The following SYT1 variants were observed in gnomAD, a reference collection of about 807,000 sequenced individuals.
SYT1 encodes the protein synaptotagmin-1.
Under a neutral mutation model 44.8 loss-of-function variants are expected in SYT1, and 8 were observed. That is an observed-to-expected ratio of 0.18 (90% confidence interval 0.10 to 0.32). The LOEUF (loss-of-function observed/expected upper bound fraction) is 0.32. Among genes scored for constraint, SYT1 ranks in the 10% least tolerant of loss-of-function variants. The pLI is 1.00. For missense variants in SYT1, 286 were observed against 509.3 expected, an observed-to-expected ratio of 0.56 and a Z score of 4.22; for synonymous variants, 154 against 188.8, an observed-to-expected ratio of 0.82 and a Z score of 1.51.
chr12:79,246,250 G>T (rs1350521224), intron 4 of SYT1, among the ~76,000 whole-genome samples: 1 of 152,126 alleles, frequency 6.6e-6, no homozygotes, highest in Non-Finnish European at 1.5e-5. Context: ...CTTTTTCAAT[G>T]TAGTACTTAT....
intron 9 of SYT1, among the ~76,000 whole-genome samples, chr12:79,383,309 G>C (rs1019153066): frequency 1.3e-5 from 2 of 152,164 alleles, no homozygotes; most frequent in Admixed American, 1.3e-4. Flanking sequence ...GTAAGTATTT[G>C]TGTATCTAAA....
At chr12:79,299,610 A>G in intron 8 of SYT1, 59 bp downstream of exon 8, 4 of 1,566,198 alleles carry the variant, frequency 2.6e-6, no homozygotes, top group Non-Finnish European at 3.5e-6. Flanking sequence ...TGCTGCTCAT[A>G]TAATAACTTA....
intron 2 of SYT1, among the ~76,000 whole-genome samples, chr12:79,029,266 T>C (rs1378549422): frequency 6.6e-6 from 1 of 151,028 alleles, no homozygotes; most frequent in Non-Finnish European, 1.5e-5. Flanking sequence ...AGAAAATTAC[T>C]CCATATATCA....
At chr12:79,386,659 T>A (rs913668802) in intron 9 of SYT1, among the ~76,000 whole-genome samples, 7 of 152,212 alleles carry the variant, frequency 4.6e-5, no homozygotes, top group Admixed American at 4.6e-4. Context: ...TTCCTGGTAT[T>A]CCCTGGTGTT....
intron 3 of SYT1, among the ~76,000 whole-genome samples, chr12:79,059,289 G>A (rs1875197952): frequency 6.6e-6 from 1 of 151,766 alleles, no homozygotes. Flanking sequence ...ATTTGGGTGG[G>A]GACACAACCA....
intron 2 of SYT1, among the ~76,000 whole-genome samples, chr12:79,020,653 C>A (rs1872131280): frequency 6.6e-6 from 1 of 151,874 alleles, no homozygotes; most frequent in South Asian, 2.1e-4. Context: ...TGGATACATC[C>A]ATGAGTTTAT....
intron 9 of SYT1, among the ~76,000 whole-genome samples, chr12:79,396,702 T>C (rs1275422376): frequency 1.3e-5 from 2 of 152,172 alleles, no homozygotes; most frequent in Non-Finnish European, 2.9e-5. Context: ...TGTGACTTGA[T>C]TGAAGGATGA....
chr12:79,317,642 G>C (rs1881157837), intron 8 of SYT1, among the ~76,000 whole-genome samples: 1 of 152,150 alleles, frequency 6.6e-6, no homozygotes, highest in South Asian at 2.1e-4. Flanking sequence ...TGTCAGAGGT[G>C]ACTGTCGGGC....
chr12:79,038,561 C>A (rs556907772), intron 2 of SYT1, among the ~76,000 whole-genome samples: 1 of 151,986 alleles, frequency 6.6e-6, no homozygotes, highest in African/African-American at 2.4e-5. Context: ...GTAACAAAAT[C>A]CCTTAGGATT....
Position 79,229,680 on chromosome 12 carries a change from G to T in SYT1, c.166+11995G>T, listed in dbSNP as rs77508242. On this transcript the variant is annotated intron_variant, in intron 4 of 10. Transcript: ENST00000261205. ...ACAATCCCGGCTCACTACAACTTCC[G>T]CTTCCCGGGTTCAAGCGATTCTCCT... is the stretch of plus-strand genomic sequence containing the variant. Among the ~76,000 whole-genome samples the T allele has an allele frequency of 3.8e-3, 572 of 151,682 alleles. 8 individuals are homozygous for T. The highest frequency in any genetic ancestry group is 0.013 in the African/African-American group (555 of 41,298).
At chr12:79,287,797 T>C (rs1879384438) in intron 5 of SYT1, among the ~76,000 whole-genome samples, 1 of 152,090 alleles carries the variant, frequency 6.6e-6, no homozygotes, top group African/African-American at 2.4e-5. Flanking sequence ...ATCTCAAATA[T>C]AGAGAATTAA....
At chr12:78,951,417 T>A (rs1878962042) in intron 1 of SYT1, among the ~76,000 whole-genome samples, 1 of 152,136 alleles carries the variant, frequency 6.6e-6, no homozygotes, top group Non-Finnish European at 1.5e-5. Flanking sequence ...GTAGGAAAGT[T>A]ATATGGGCAA....
At chr12:79,050,793 A>G (rs1000325856) in intron 3 of SYT1, among the ~76,000 whole-genome samples, 2 of 152,024 alleles carry the variant, frequency 1.3e-5, no homozygotes, top group African/African-American at 4.8e-5. Flanking sequence ...AAATATCCCA[A>G]ATGTTACCTG....
chr12:78,995,777 C>G (rs543181666), intron 2 of SYT1: 4 of 152,124 alleles, frequency 2.6e-5, no homozygotes, highest in African/African-American at 9.6e-5. Flanking sequence ...CACTCCGTGC[C>G]CAATTCCTGC....
rs111897664 is a variant in SYT1 at position 78,956,117 on chromosome 12, A to G, written c.-216-21682A>G. On this transcript the variant is annotated intron_variant, in intron 1 of 10. Transcript: ENST00000261205. ...GAACACAGATACTTTTTGAATGGAA[A>G]TGTGGTATGTAGTAATTTGGGAGAG... Among the ~76,000 whole-genome samples, 30 of 152,094 alleles carry G rather than the reference A, an allele frequency of 2.0e-4. 1 individual carries two copies. Among genetic ancestry groups the G allele is most frequent in the East Asian group, 5.8e-4 (3 of 5,158 alleles).
At chr12:79,400,266 G>A (rs946769622) in intron 9 of SYT1, among the ~76,000 whole-genome samples, 25 of 152,124 alleles carry the variant, frequency 1.6e-4, no homozygotes, top group Non-Finnish European at 1.3e-4. Context: ...GTTGAGCCAC[G>A]ATTTCATCAA....
chr12:79,318,325 CT>C (rs1324769371), intron 8 of SYT1, among the ~76,000 whole-genome samples: 1 of 152,190 alleles, frequency 6.6e-6, no homozygotes, highest in African/African-American at 2.4e-5. Context: ...TCTCCGGGGC[CT>C]TTTCAATGGT....
Position 79,197,250 on chromosome 12 carries a change from A to T in SYT1, c.-17-20253A>T, listed in dbSNP as rs1201439872. ...AATGTGTAGGAATATTCTAAGATTT[A>T]TGAGATTGATGAAGTTGTAACCAAG... On this transcript the variant is annotated intron_variant, in intron 3 of 10. Transcript: ENST00000261205. Among the ~76,000 whole-genome samples the T allele has an allele frequency of 3.9e-5, 6 of 152,330 alleles. No homozygotes were observed. In the East Asian group the frequency reaches 1.2e-3, roughly 29 times the overall value.
At chr12:79,286,800 T>A (rs1047382800) in intron 5 of SYT1, among the ~76,000 whole-genome samples, 3 of 152,122 alleles carry the variant, frequency 2.0e-5, no homozygotes, top group Non-Finnish European at 4.4e-5. Flanking sequence ...ATGTTGAATA[T>A]CTCTAAAGAA....
Sources: allele counts gnomAD v4.1 joint callset (sites outside exome capture counted in the v4.1 genomes callset), GRCh38; gene constraint gnomAD v4.1.1; transcripts MANE v1.5; gene names NCBI Gene and HGNC (gene_info 2026-07-23, HGNC 2026-07-21).